PUDP: variants seen among roughly 807,000 people sequenced by gnomAD.
PUDP encodes the protein pseudouridine 5'-phosphatase.
Under a neutral mutation model 9.4 loss-of-function variants are expected in PUDP, and 8 were observed. The observed-to-expected ratio is 0.85, with a 90% CI of 0.50 to 1.53. The LOEUF (loss-of-function observed/expected upper bound fraction) is 1.53. Ranked by LOEUF, PUDP falls within the 40% of genes most tolerant of loss-of-function variation. PUDP has a pLI of 0.00. For missense variants in PUDP, 188 were observed against 189.7 expected, an observed-to-expected ratio of 0.99 and a Z score of 0.05; for synonymous variants, 99 against 80.7, an observed-to-expected ratio of 1.23 and a Z score of -1.22.
At chrX:7,060,777 C>T (rs960109639) in intron 3 of PUDP, among the ~76,000 whole-genome samples, 5 of 112,646 alleles carry the variant, frequency 4.4e-5, no homozygotes, top group African/African-American at 1.6e-4. Context: ...GCAGATTTCA[C>T]CTTAAATGCC....
chrX:7,082,811 T>G (rs1319742172), intron 2 of PUDP, among the ~76,000 whole-genome samples: 1 of 112,812 alleles, frequency 8.9e-6, no homozygotes, highest in Non-Finnish European at 1.9e-5. Context: ...TAGGGGCTAC[T>G]TTTGCAACTG....
intron 3 of PUDP, among the ~76,000 whole-genome samples, chrX:6,829,016 G>A (rs188325477): frequency 1.8e-5 from 2 of 110,712 alleles, no homozygotes; most frequent in East Asian, 5.7e-4. Context: ...ATGTTAGGAG[G>A]TTGGAGTTTT....
In PUDP at chrX:7,077,316, C is replaced by A. The variant is rs1471120166; in HGVS notation, c.414G>T (p.Val138=). The A allele has an allele frequency of 8.3e-7, 1 of 1,210,793 alleles. No individual in the cohort carries two copies. Among genetic ancestry groups the A allele is most frequent in the Admixed American group, 2.2e-5 (1 of 45,950 alleles). ...KEFFSLFSHI[V]LGDDPEVQHG... ...GCTGCACTTCGGGGTCATCTCCCAG[C>A]ACAATGTGGGAAAACAAGCTGAAGA... is the stretch of plus-strand genomic sequence containing the variant. Residue 138 remains valine, a synonymous_variant, in exon 3 of 4, where the codon GTG becomes GTT. Coordinates refer to ENST00000381077, the MANE Select transcript of PUDP (RefSeq NM_012080.5).
At chrX:7,085,327 T>C (rs1170361684) in intron 2 of PUDP, 1 of 112,504 alleles carries the variant, frequency 8.9e-6, no homozygotes, top group African/African-American at 3.2e-5. Flanking sequence ...CTAGAATTGT[T>C]GGCACTTCAC....
rs370893221 is a variant in PUDP at position 7,106,946 on chromosome X, C to A, written c.62-1108G>T. 1.3e-4 allele frequency among the ~76,000 whole-genome samples: 15 copies of A among 111,935 alleles called. No homozygotes were observed. In the East Asian group the frequency reaches 4.2e-3, roughly 31 times the overall value. On this transcript the variant is annotated intron_variant, in intron 1 of 3. Coordinates refer to ENST00000381077, the MANE Select transcript of PUDP (RefSeq NM_012080.5). ...TGAGTGTTGCCTGATGACAATCCCC[C>A]CAAGGCCCCAGTGAAGGCAGAAGGC... is the stretch of plus-strand genomic sequence containing the variant.
chrX:6,729,383 T>C (rs1365793201), intron 3 of PUDP, among the ~76,000 whole-genome samples: 3 of 112,280 alleles, frequency 2.7e-5, no homozygotes. Flanking sequence ...CTTACATACG[T>C]TGACTGATGT....
intron 3 of PUDP, among the ~76,000 whole-genome samples, chrX:6,770,849 A>G (rs1925353261): frequency 8.9e-6 from 1 of 111,739 alleles, no homozygotes; most frequent in Non-Finnish European, 1.9e-5. Context: ...AATATCTCTC[A>G]TTACGTTTCA....
At chrX:7,096,676 A>G (rs1931581723) in intron 2 of PUDP, among the ~76,000 whole-genome samples, 1 of 110,765 alleles carries the variant, frequency 9.0e-6, no homozygotes, top group South Asian at 3.9e-4. Context: ...CAAAGAAAAA[A>G]AGAAAAAAAC....
intron 1 of PUDP, among the ~76,000 whole-genome samples, chrX:6,991,985 A>AT (rs746343409): frequency 9.9e-5 from 11 of 111,604 alleles, no homozygotes; most frequent in Middle Eastern, 9.2e-3. Context: ...AGAAAAAATT[A>AT]TATAATTAAT....
chrX:6,794,077 G>A (rs143820890), intron 3 of PUDP, among the ~76,000 whole-genome samples: 72 of 111,902 alleles, frequency 6.4e-4, no homozygotes, highest in African/African-American at 2.1e-3. Flanking sequence ...TAGAGGAAAT[G>A]TTTCTTTCTC....
At chrX:6,716,548 G>A (rs1297118786) in intron 1 of PUDP, among the ~76,000 whole-genome samples, 1 of 111,516 alleles carries the variant, frequency 9.0e-6, no homozygotes, top group East Asian at 2.8e-4. Context: ...TGTGCTGATG[G>A]GATTACACAT....
At chrX:7,048,835 T>G (rs1930020117), downstream of PUDP, 1 of 112,423 alleles carries the variant, frequency 8.9e-6, no homozygotes, top group Non-Finnish European at 1.9e-5. Context: ...TTTAAAAAAT[T>G]TAATTAGTCA....
intron 3 of PUDP, among the ~76,000 whole-genome samples, chrX:6,906,503 G>C (rs1008365406): frequency 8.9e-6 from 1 of 112,285 alleles, no homozygotes; most frequent in South Asian, 3.7e-4. Flanking sequence ...CAGAGGCCTC[G>C]AACGCAGGCG....
At chrX:6,812,896 C>T (rs1339979434) in intron 3 of PUDP, among the ~76,000 whole-genome samples, 1 of 111,749 alleles carries the variant, frequency 8.9e-6, no homozygotes, top group East Asian at 2.8e-4. Context: ...GAATTCGAGA[C>T]CTGCCTGGGC....
intron 3 of PUDP, among the ~76,000 whole-genome samples, chrX:6,772,065 T>G (rs1433406277): frequency 8.9e-6 from 1 of 112,236 alleles, no homozygotes; most frequent in African/African-American, 3.2e-5. Context: ...AGATGTTATT[T>G]TTTTCCCTCA....
At chrX:6,947,123 C>A (rs1174960498) in intron 3 of PUDP, among the ~76,000 whole-genome samples, 1 of 109,275 alleles carries the variant, frequency 9.2e-6, no homozygotes, top group Non-Finnish European at 1.9e-5. Flanking sequence ...GCCTCAGCAT[C>A]CCGAGTAGTT....
chrX:6,962,589 C>T (rs886424293), intron 3 of PUDP, among the ~76,000 whole-genome samples: 21 of 112,253 alleles, frequency 1.9e-4, no homozygotes, highest in African/African-American at 6.8e-4. Flanking sequence ...AAAATGCAAA[C>T]TTTTATGCCA....
intron 3 of PUDP, among the ~76,000 whole-genome samples, chrX:7,064,055 T>C (rs1930479170): frequency 8.9e-6 from 1 of 112,160 alleles, no homozygotes. Flanking sequence ...CCTATAATCA[T>C]GACGACTGTT....
chrX:7,050,572 G>GA, intron 3 of PUDP, 100 bp from the exon 4 acceptor site: 2 of 747,991 alleles, frequency 2.7e-6, no homozygotes, highest in Non-Finnish European at 3.9e-6. Context: ...CAACTGTGCA[G>GA]AAAGAGACAG....
Sources: allele counts gnomAD v4.1 joint callset (sites outside exome capture counted in the v4.1 genomes callset), GRCh38; gene constraint gnomAD v4.1.1; transcripts MANE v1.5; gene names NCBI Gene and HGNC (gene_info 2026-07-23, HGNC 2026-07-21).